MDN1: variants seen among roughly 807,000 people sequenced by gnomAD.
MDN1 encodes the protein midasin.
In MDN1, 266 loss-of-function variants were observed where a neutral mutation model predicts 669.2. That is an observed-to-expected ratio of 0.40 (90% CI 0.36 to 0.44). MDN1 has a LOEUF of 0.44. MDN1 is among the 20% of genes least tolerant of loss of function. The pLI, the probability that MDN1 is intolerant of heterozygous loss-of-function variation, is 1.00. For synonymous variants in MDN1, 2,385 were observed against 2,457.1 expected, an observed-to-expected ratio of 0.97 and a Z score of 0.87; for missense variants, 5,940 against 6,754.0, an observed-to-expected ratio of 0.88 and a Z score of 4.22.
At chr6:89,647,294 C>A (rs1808553033) in intron 99 of MDN1, among the ~76,000 whole-genome samples, 1 of 152,150 alleles carries the variant, frequency 6.6e-6, no homozygotes, top group Non-Finnish European at 1.5e-5. Flanking sequence ...TCCAGGGCAG[C>A]CTAGAAAAAG....
rs775513941 is a variant in MDN1, at chr6:89,707,464, A to G, written c.7911T>C (p.Tyr2637=). Residue 2637 remains tyrosine (Y), a synonymous_variant, in exon 52 of 102, where the codon TAT becomes TAC. Coordinates refer to ENST00000369393, the MANE Select transcript of MDN1 (RefSeq NM_014611.3). ...LESAANKTII[Y]LDREKRVFTE... is the part of the protein sequence containing the mutation. ...TAAAAACCCGTTTTTCCCGGTCAAGATATATGATTGTCCTGGAATGAGATT... is the reference window on the plus strand; with the variant it reads ...TAAAAACCCGTTTTTCCCGGTCAAGGTATATGATTGTCCTGGAATGAGATT... The G allele has an allele frequency of 3.7e-6, 6 of 1,608,774 alleles. No individual in the cohort carries two copies. In the African/African-American group the frequency reaches 5.3e-5, roughly 14 times the overall value.
At chr6:89,650,262 G>T in intron 96 of MDN1, 64 bp from the exon 97 acceptor site, 1 of 1,478,114 alleles carries the variant, frequency 6.8e-7, no homozygotes, top group Non-Finnish European at 9.3e-7. Context: ...TTTTTATTAA[G>T]GACAAAAATC....
intron 1 of MDN1, among the ~76,000 whole-genome samples, chr6:89,808,123 T>C (rs1232721985): frequency 6.6e-6 from 1 of 151,988 alleles, no homozygotes; most frequent in Admixed American, 6.6e-5. Flanking sequence ...ATTCATATCA[T>C]TATATAATCA....
At chr6:89,680,514 T>C (rs72913976) in intron 74 of MDN1, 75 bp downstream of exon 74, 201,641 of 1,531,756 alleles carry the variant, frequency 0.13, 14,034 homozygotes, top group South Asian at 0.17. Context: ...AGGACACAGT[T>C]GCCACATTCT....
chr6:89,794,602 TGAG>T lies in MDN1; in HGVS notation c.526_528del (p.Leu176del). 1 of 1,613,376 alleles carries T rather than the reference TGAG, an allele frequency of 6.2e-7. No individual in the cohort carries two copies. Among genetic ancestry groups the T allele is most frequent in the Non-Finnish European group, 8.5e-7 (1 of 1,180,038 alleles). On this transcript the variant is annotated inframe_deletion, in exon 3 of 102. Transcript: ENST00000369393. ...CAGCGAACCAAGGTGTCATGGCTTC[TGAG>T]GAGAGGGACACACACACTCCAGTCC...
In MDN1 at chr6:89,676,085, A is replaced by C. The variant is rs1408408835; in HGVS notation, c.12645+17T>G. The C allele has an allele frequency of 1.2e-6, 2 of 1,609,148 alleles. No homozygotes were observed. Among genetic ancestry groups the C allele is most frequent in the East Asian group, 2.2e-5 (1 of 44,850 alleles). On this transcript the variant is annotated intron_variant, in intron 77 of 101. Transcript: ENST00000369393. ...CTTTCCCTGAGCCCCTGCAAGACTC[A>C]TGTTCTATCATTCTACCTTGGCAGG...
In MDN1 at chr6:89,719,011, G is replaced by A. The variant is rs1814625541; in HGVS notation, c.6077C>T (p.Ser2026Phe). ...YDVQLGYSVLSRGSCVPHPSR... is the reference protein window; with the variant it reads ...YDVQLGYSVLFRGSCVPHPSR... ...CGGGTGAGGAACACAGCTCCCACGGGAAAGGACTGAGTAGCCCAACTGAAA... is the reference window on the plus strand; with the variant it reads ...CGGGTGAGGAACACAGCTCCCACGGAAAAGGACTGAGTAGCCCAACTGAAA... Residue 2026 changes from serine (S) to phenylalanine (F), a missense_variant, in exon 42 of 102, where the codon TCC (serine) becomes TTC (phenylalanine). Physicochemically the swap from Ser to Phe is radical, Grantham distance 155 (BLOSUM62 -2). Transcript: ENST00000369393. 1 of 1,614,170 alleles carries A rather than the reference G, an allele frequency of 6.2e-7. No homozygotes were observed. Among genetic ancestry groups the A allele is most frequent in the East Asian group, 2.2e-5 (1 of 44,880 alleles).
intron 97 of MDN1, among the ~76,000 whole-genome samples, chr6:89,648,729 G>A (rs1808648024): frequency 6.6e-6 from 1 of 151,646 alleles, no homozygotes; most frequent in African/African-American, 2.4e-5. Context: ...GGGAGGCTGA[G>A]GTAGGAGGAT....
chr6:89,717,560 A>G (rs1436590507), intron 43 of MDN1, among the ~76,000 whole-genome samples: 1 of 152,216 alleles, frequency 6.6e-6, no homozygotes, highest in Non-Finnish European at 1.5e-5. Flanking sequence ...TCATAACTCA[A>G]TGGTGAGTTT....
chr6:89,749,282 G>A lies in MDN1; in HGVS notation c.3703C>T (p.Arg1235Trp), dbSNP rs752424435. The part of the protein sequence containing the change: ...SSELETILHK[R>W]CSLPPSYCSK... ...CAATAGGAGGGTGGCAAACTACACC[G>A]CTTGTGCAAGATTGTTTCCAACTCG... The change falls in exon 26 of 102, where the codon CGG becomes TGG. Residue 1235 changes from arginine to tryptophan, a missense_variant. Physicochemically the swap from Arg to Trp is moderately radical, Grantham distance 101 (BLOSUM62 -3). This residue lies in a region of MDN1 where 2,292 missense variants were observed against 2,638.3 expected (regional missense o/e 0.87). Coordinates refer to ENST00000369393, the MANE Select transcript of MDN1 (RefSeq NM_014611.3). 8 of 1,613,898 alleles carry A rather than the reference G, an allele frequency of 5.0e-6. No individual in the cohort carries two copies. The highest frequency in any genetic ancestry group is 3.3e-5 in the Admixed American group (2 of 59,984).
In MDN1 at chr6:89,718,595, T is replaced by C; in HGVS notation, c.6354A>G (p.Leu2118=). 6.2e-7 allele frequency: 1 copy of C among 1,614,118 alleles called. No individual in the cohort carries two copies. Among genetic ancestry groups the C allele is most frequent in the Non-Finnish European group, 8.5e-7 (1 of 1,179,976 alleles). Residue 2118 remains leucine (L), a synonymous_variant, in exon 43 of 102, where the codon CTA becomes CTG. Transcript: ENST00000369393. ...CCCTTACAGTTCCCTCCACCTTCTCTAGCAGCCTCCTCCAAGGTCGTATAA... is the reference window on the plus strand; with the variant it reads ...CCCTTACAGTTCCCTCCACCTTCTCCAGCAGCCTCCTCCAAGGTCGTATAA... The part of the protein sequence containing the change: ...VDLIRPWRRL[L]EKVEGTVRAL...
intron 5 of MDN1, among the ~76,000 whole-genome samples, chr6:89,793,542 G>A (rs905796521): frequency 6.6e-6 from 1 of 152,138 alleles, no homozygotes; most frequent in East Asian, 1.9e-4. Context: ...GTGAGACCCC[G>A]TCTCTACAAT....
chr6:89,745,170 G>GAAAAAAAAAAAAA, intron 29 of MDN1, 103 bp downstream of exon 29: 1 of 1,130,450 alleles, frequency 8.8e-7, no homozygotes, highest in Non-Finnish European at 1.2e-6. Context: ...GAGGAAGGAG[G>GAAAAAAAAAAAAA]AAAGAAGGGG....
chr6:89,716,619 T>A, intron 44 of MDN1, 31 bp downstream of exon 44: 1 of 1,575,106 alleles, frequency 6.3e-7, no homozygotes, highest in Non-Finnish European at 8.6e-7. Context: ...AAATTTCAAG[T>A]TGGACCACTG....
chr6:89,797,613 G>A (rs17506515), intron 2 of MDN1: 54,798 of 438,864 alleles, frequency 0.12, 3,813 homozygotes, highest in South Asian at 0.16. Flanking sequence ...CATGGGATTC[G>A]TAGGCCATTA....
intron 64 of MDN1, 95 bp downstream of exon 64, chr6:89,690,578 A>ACTAAAT: frequency 6.9e-7 from 1 of 1,451,100 alleles, no homozygotes; most frequent in Non-Finnish European, 9.5e-7. Flanking sequence ...ACATACAGAG[A>ACTAAAT]GAGAGATAAA....
At chr6:89,815,142 C>T (rs951617594) in intron 1 of MDN1, 2 of 384,806 alleles carry the variant, frequency 5.2e-6, no homozygotes, top group African/African-American at 2.1e-5. Flanking sequence ...GCTACAGACC[C>T]CTGTGCATCA....
intron 8 of MDN1, among the ~76,000 whole-genome samples, chr6:89,786,129 C>T (rs79914317): frequency 3.9e-5 from 6 of 152,030 alleles, no homozygotes; most frequent in South Asian, 2.1e-4. Context: ...AGGCGTGGTG[C>T]GTGCCTGTAG....
intron 7 of MDN1, among the ~76,000 whole-genome samples, chr6:89,789,325 A>G (rs1478856741): frequency 6.6e-6 from 1 of 152,116 alleles, no homozygotes; most frequent in Non-Finnish European, 1.5e-5. Flanking sequence ...TTTCTTAACT[A>G]AACAAAGGCA....
Sources: gnomAD v4.1 joint callset for allele counts (sites outside exome capture counted in the v4.1 genomes callset) on GRCh38, gnomAD v4.1.1 for gene constraint, gnomAD v4.1.1 regional missense constraint, MANE v1.5 for transcripts, NCBI Gene and HGNC (gene_info 2026-07-23, HGNC 2026-07-21) for gene names.